Variants in NME8 observed in about 807,000 individuals in gnomAD.
NME8 encodes protein NME8.
NME8 carries 72 observed loss-of-function variants against 82.3 expected under a neutral mutation model. The observed-to-expected ratio is 0.87, with a 90% CI of 0.72 to 1.06. NME8 has a LOEUF of 1.06. Ranked by LOEUF, NME8 falls within the 50% of genes least tolerant of loss-of-function variation. The pLI is 0.00. For missense variants in NME8, 712 were observed against 685.4 expected (o/e 1.04, Z -0.43); for synonymous variants, 267 against 228.5 (o/e 1.17, Z -1.52).
intron 8 of NME8, 51 bp downstream of exon 8, chr7:37,863,513 T>C (rs373827396): frequency 1.0e-6 from 1 of 976,528 alleles, no homozygotes; most frequent in South Asian, 1.3e-5. Context: ...ACGTGGGCGG[T>C]CATCACAGCA....
chr7:37,881,546 TTGAA>T (rs1196918874), intron 12 of NME8, among the ~76,000 whole-genome samples: 1 of 152,194 alleles, frequency 6.6e-6, no homozygotes, highest in Non-Finnish European at 1.5e-5. Flanking sequence ...ATTGTTAAAT[TTGAA>T]TGGTTAATAT....
At chr7:37,882,657 G>GAA (rs1268650656) in intron 12 of NME8, among the ~76,000 whole-genome samples, 5 of 146,414 alleles carry the variant, frequency 3.4e-5, no homozygotes, top group African/African-American at 1.3e-4. Context: ...AAGAAAGAAA[G>GAA]AGAAAGAAAG....
chr7:37,891,017 C>A (rs147061490), intron 15 of NME8, among the ~76,000 whole-genome samples: 1 of 151,902 alleles, frequency 6.6e-6, no homozygotes, highest in Non-Finnish European at 1.5e-5. Context: ...TTTTTAAGAG[C>A]TGTTGAGCCT....
At chr7:37,871,379 T>C (rs1029599847) in intron 11 of NME8, among the ~76,000 whole-genome samples, 1 of 152,232 alleles carries the variant, frequency 6.6e-6, no homozygotes, top group Admixed American at 6.5e-5. Flanking sequence ...TTTTATTACA[T>C]TATTTACATG....
At chr7:37,852,334 C>A (rs1784450186) in intron 5 of NME8, among the ~76,000 whole-genome samples, 2 of 151,806 alleles carry the variant, frequency 1.3e-5, no homozygotes, top group Admixed American at 6.6e-5. Context: ...ACGGATTAGC[C>A]TACACTGGCA....
intron 16 of NME8, among the ~76,000 whole-genome samples, chr7:37,896,379 A>T (rs527334804): frequency 5.4e-4 from 48 of 89,546 alleles, no homozygotes; most frequent in Non-Finnish European, 1.3e-3. Context: ...TGTAGTGCAG[A>T]CCAGACAACA....
chr7:37,863,615 G>A (rs756274960), intron 8 of NME8, among the ~76,000 whole-genome samples, 153 bp downstream of exon 8: 1 of 152,172 alleles, frequency 6.6e-6, no homozygotes, highest in Non-Finnish European at 1.5e-5. Flanking sequence ...GCAAGACTCA[G>A]CTATTAAAAA....
At chr7:37,877,100 A>G in intron 12 of NME8, 93 bp downstream of exon 12, 2 of 1,092,244 alleles carry the variant, frequency 1.8e-6, no homozygotes, top group Admixed American at 4.1e-5. Context: ...TTGTTTTAAA[A>G]TTTAACATTG....
At chr7:37,895,123 T>C (rs1053159905) in intron 16 of NME8, among the ~76,000 whole-genome samples, 1 of 152,196 alleles carries the variant, frequency 6.6e-6, no homozygotes, top group Admixed American at 6.6e-5. Context: ...TATTAAACAC[T>C]TGATAAATGT....
intron 14 of NME8, among the ~76,000 whole-genome samples, chr7:37,886,092 T>C (rs1785035484): frequency 6.6e-6 from 1 of 152,222 alleles, no homozygotes; most frequent in African/African-American, 2.4e-5. Context: ...AAATCTGACT[T>C]GTGTTGCATT....
chr7:37,862,100 G>A lies in NME8; in HGVS notation c.343G>A (p.Asp115Asn), dbSNP rs143447596. The change falls in exon 7 of 18, where the codon GAT (aspartate) becomes AAT (asparagine). Residue 115 changes from aspartate (D) to asparagine (N), a missense_variant. Asp to Asn is a conservative substitution (Grantham distance 23, BLOSUM62 1). Coordinates refer to ENST00000199447, the MANE Select transcript of NME8 (RefSeq NM_016616.5). Reference sequence around the variant, plus strand: ...TAATAAAAAAGTTATTAATTTGATCGATGAGGAGAGAAAAATTGCAGCAGG... The same window carrying A: ...TAATAAAAAAGTTATTAATTTGATCAATGAGGAGAGAAAAATTGCAGCAGG... ...LVNKKVINLI[D>N]EERKIAAGEM... 93 of 1,613,544 alleles carry A rather than the reference G, an allele frequency of 5.8e-5. No homozygotes were observed. In the African/African-American group the frequency reaches 1.1e-3, roughly 18 times the overall value.
intron 11 of NME8, among the ~76,000 whole-genome samples, chr7:37,869,604 T>C (rs1784739411): frequency 6.6e-6 from 1 of 151,992 alleles, no homozygotes; most frequent in Non-Finnish European, 1.5e-5. Flanking sequence ...TGCCAGCAGC[T>C]CTCCCTCCAG....
intron 9 of NME8, 93 bp downstream of exon 9, chr7:37,864,514 A>G: frequency 7.8e-7 from 1 of 1,275,834 alleles, no homozygotes; most frequent in South Asian, 1.3e-5. Flanking sequence ...TTAGAGTGAA[A>G]TAGAACAAAA....
chr7:37,854,372 C>T (rs1049127488), intron 5 of NME8, among the ~76,000 whole-genome samples: 12 of 151,850 alleles, frequency 7.9e-5, no homozygotes, highest in Middle Eastern at 3.2e-3. Context: ...TTGGTATTGA[C>T]GTCTCAGGGG....
intron 16 of NME8, among the ~76,000 whole-genome samples, chr7:37,896,648 C>T (rs891972113): frequency 6.6e-6 from 1 of 152,164 alleles, no homozygotes; most frequent in East Asian, 1.9e-4. Context: ...AATAAGACTT[C>T]ATTGACAAAT....
At chr7:37,854,003 C>A (rs1021148307) in intron 5 of NME8, among the ~76,000 whole-genome samples, 1 of 150,942 alleles carries the variant, frequency 6.6e-6, no homozygotes, top group Admixed American at 6.6e-5. Flanking sequence ...ACCTGAATTA[C>A]TTCTAAATAG....
At chr7:37,888,732 A>G (rs980026191) in intron 15 of NME8, among the ~76,000 whole-genome samples, 2 of 152,090 alleles carry the variant, frequency 1.3e-5, no homozygotes, top group African/African-American at 2.4e-5. Context: ...CCATGGATAT[A>G]TTAGTACGGA....
intron 15 of NME8, among the ~76,000 whole-genome samples, chr7:37,891,909 T>C (rs533506957): frequency 1.1e-3 from 173 of 151,900 alleles, no homozygotes; most frequent in African/African-American, 4.1e-3. Flanking sequence ...GTACTTAATC[T>C]ACTTTCTTAT....
chr7:37,882,012 G>A (rs1374380537), intron 12 of NME8, among the ~76,000 whole-genome samples: 1 of 152,174 alleles, frequency 6.6e-6, no homozygotes, highest in East Asian at 1.9e-4. Flanking sequence ...AGATAATTCA[G>A]TTTTTGTTGT....
Sources: gnomAD v4.1 joint callset for allele counts (sites outside exome capture counted in the v4.1 genomes callset) on GRCh38, gnomAD v4.1.1 for gene constraint, MANE v1.5 for transcripts, NCBI Gene and HGNC (gene_info 2026-07-23, HGNC 2026-07-21) for gene names.